PKNOX1: variants seen among roughly 807,000 people sequenced by gnomAD.
PKNOX1 encodes homeobox protein PKNOX1.
Under a neutral mutation model 51.9 loss-of-function variants are expected in PKNOX1, and 15 were observed. The ratio of observed to expected loss-of-function variants is 0.29; its 90% confidence interval spans 0.19 to 0.45. The LOEUF (loss-of-function observed/expected upper bound fraction) is 0.45, where lower values mean the gene tolerates loss of function less well. PKNOX1 is among the 20% of genes least tolerant of loss of function. The pLI is 1.00. For synonymous variants in PKNOX1, 219 were observed against 211.1 expected, an observed-to-expected ratio of 1.04 and a Z score of -0.32; for missense variants, 462 against 547.5, an observed-to-expected ratio of 0.84 and a Z score of 1.56.
intron 1 of PKNOX1, among the ~76,000 whole-genome samples, chr21:42,987,761 G>A (rs2059062562): frequency 1.3e-5 from 2 of 151,456 alleles, no homozygotes; most frequent in South Asian, 2.1e-4. Flanking sequence ...TGGGACTACA[G>A]GTGCCCACCA....
At position 42,988,842 on chromosome 21, in the gene PKNOX1, C is replaced by T. The variant is rs867489025; in HGVS notation, c.-57+14178C>T. ...TAGGGTCTACAGGCTGGGGACCCTG[C>T]GGGCTGGATGAGGACCCCCTCACTG... On this transcript the variant is annotated intron_variant, in intron 1 of 10. Transcript: ENST00000291547. Among the ~76,000 whole-genome samples the T allele has an allele frequency of 8.6e-5, 13 of 151,802 alleles. 1 individual carries two copies. Among genetic ancestry groups the T allele is most frequent in the Admixed American group, 3.9e-4 (6 of 15,246 alleles).
rs537524603 is a variant in PKNOX1 at position 43,023,675 on chromosome 21, C to T, written c.850-1196C>T. 2.6e-5 allele frequency among the ~76,000 whole-genome samples: 4 copies of T among 151,538 alleles called. No homozygotes were observed. In the East Asian group the frequency reaches 7.8e-4, roughly 29 times the overall value. ...GCACTCCCAGGCTGGAGTGCAGTGG[C>T]GCGATCTCGGCTCACTGCAACCTCC... On this transcript the variant is annotated intron_variant, in intron 8 of 10. Transcript: ENST00000291547.
rs756377254 is a variant in PKNOX1 at position 43,028,714 on chromosome 21, C to T, written c.939C>T (p.Ala313=). The T allele has an allele frequency of 1.6e-5, 26 of 1,613,940 alleles. No homozygotes were observed. The highest frequency in any genetic ancestry group is 2.2e-5 in the Non-Finnish European group (26 of 1,179,980). Residue 313 remains alanine, a synonymous_variant, in exon 10 of 11, where the codon GCC becomes GCT. Transcript: ENST00000291547. ...TTGTTGACTCCAGGTTCATCAATGC[C>T]AGAAGACGAATTCTTCAGCCAATGT... ...LLQVNNWFIN[A]RRRILQPMLD...
chr21:42,989,499 C>G (rs1343470609), intron 1 of PKNOX1, among the ~76,000 whole-genome samples: 1 of 152,114 alleles, frequency 6.6e-6, no homozygotes, highest in Admixed American at 6.6e-5. Flanking sequence ...TCACTGCGAC[C>G]TCCACCTCCA....
In PKNOX1 at chr21:43,021,858, A is replaced by C. The variant is rs234716; in HGVS notation, c.849+427A>C. Among the ~76,000 whole-genome samples, 136,252 of 152,292 alleles carry C rather than the reference A, an allele frequency of 0.89. 61,071 individuals are homozygous for C. Among genetic ancestry groups the C allele is most frequent in the Non-Finnish European group, 0.91 (62,181 of 68,014 alleles). On this transcript the variant is annotated intron_variant, in intron 8 of 10. Coordinates refer to ENST00000291547, the MANE Select transcript of PKNOX1 (RefSeq NM_004571.5). This position sits in a 1 kb window ranked among gnomAD's most constrained non-coding sequence, Gnocchi z 4.6. Reference sequence around the variant, plus strand: ...GGTGGGCCACCGGGTGGGTGCCTTTAGCTGGAAGCGAGTTTGTCCCACAGG... The same window carrying C: ...GGTGGGCCACCGGGTGGGTGCCTTTCGCTGGAAGCGAGTTTGTCCCACAGG...
intron 8 of PKNOX1, chr21:43,024,358 T>C (rs1007240338): frequency 2.0e-5 from 3 of 152,294 alleles, no homozygotes; most frequent in African/African-American, 7.2e-5. Context: ...ACACTGACAG[T>C]GACTGTCTCA....
At chr21:43,016,666 T>C (rs181503265) in intron 5 of PKNOX1, among the ~76,000 whole-genome samples, 1 of 152,272 alleles carries the variant, frequency 6.6e-6, no homozygotes, top group East Asian at 1.9e-4. Flanking sequence ...AAGATAATCT[T>C]TTGGAAGCCA....
intron 8 of PKNOX1, among the ~76,000 whole-genome samples, chr21:43,022,218 T>G (rs1418399097): frequency 6.6e-6 from 1 of 152,166 alleles, no homozygotes; most frequent in Non-Finnish European, 1.5e-5. Context: ...TGTCCCAGCC[T>G]CCTCCTCCTC....
chr21:42,990,286 A>G (rs1458679530), intron 1 of PKNOX1, among the ~76,000 whole-genome samples: 1 of 152,076 alleles, frequency 6.6e-6, no homozygotes, highest in Non-Finnish European at 1.5e-5. Context: ...AATAAATAAT[A>G]AGTAACGATC....
intron 5 of PKNOX1, among the ~76,000 whole-genome samples, chr21:43,013,715 G>C (rs1241108450): frequency 6.6e-6 from 1 of 151,894 alleles, no homozygotes; most frequent in Admixed American, 6.6e-5. Context: ...CCCTCCCCTA[G>C]CCCCTGGAAC....
chr21:42,989,452 G>C (rs1245960035), intron 1 of PKNOX1, among the ~76,000 whole-genome samples: 1 of 152,062 alleles, frequency 6.6e-6, no homozygotes, highest in African/African-American at 2.4e-5. Flanking sequence ...GTCTCACTCT[G>C]TCACCCTGGC....
chr21:43,005,897 T>G (rs1368688872), intron 2 of PKNOX1, among the ~76,000 whole-genome samples: 4 of 152,220 alleles, frequency 2.6e-5, no homozygotes, highest in Non-Finnish European at 4.4e-5. Flanking sequence ...AGATGACACC[T>G]GGAGCACTGC....
chr21:43,017,253 T>C, intron 6 of PKNOX1: 1 of 299,002 alleles, frequency 3.3e-6, no homozygotes, highest in Non-Finnish European at 6.2e-6. Context: ...TATGTAGGAA[T>C]TGAAAATATA....
intron 8 of PKNOX1, among the ~76,000 whole-genome samples, chr21:43,023,830 G>A (rs1979871713): frequency 6.6e-6 from 1 of 151,846 alleles, no homozygotes. Flanking sequence ...TAGCCAGGAT[G>A]GTCTTGATCT....
chr21:42,994,477 G>C (rs1459113792), intron 1 of PKNOX1, among the ~76,000 whole-genome samples: 2 of 148,974 alleles, frequency 1.3e-5, no homozygotes, highest in Non-Finnish European at 3.0e-5. Flanking sequence ...GTACCTGACT[G>C]TTTTAACCAG....
chr21:42,976,863 A>G (rs969495323), intron 1 of PKNOX1, among the ~76,000 whole-genome samples: 1 of 152,196 alleles, frequency 6.6e-6, no homozygotes, highest in Admixed American at 6.5e-5. Context: ...TTTTCAGTTT[A>G]CTTTGCCCAG....
chr21:42,996,915 C>G (rs1475689129), intron 1 of PKNOX1, among the ~76,000 whole-genome samples: 2 of 149,830 alleles, frequency 1.3e-5, no homozygotes, highest in Non-Finnish European at 1.5e-5. Context: ...AATAGAGTCT[C>G]TGTCATCCCG....
At chr21:43,007,802 G>C in intron 3 of PKNOX1, 184 bp downstream of exon 3, 1 of 583,618 alleles carries the variant, frequency 1.7e-6, no homozygotes, top group Non-Finnish European at 3.0e-6. Flanking sequence ...GGTGGCTCAT[G>C]CCTGTAATCC....
At chr21:42,980,020 G>A (rs759541183) in intron 1 of PKNOX1, among the ~76,000 whole-genome samples, 1 of 152,192 alleles carries the variant, frequency 6.6e-6, no homozygotes, top group East Asian at 1.9e-4. Flanking sequence ...AATGCATTTT[G>A]TTGGGATTCC....
Sources: gnomAD v4.1 joint callset for allele counts (sites outside exome capture counted in the v4.1 genomes callset) on GRCh38, gnomAD v4.1.1 for gene constraint, Gnocchi (gnomAD v3.1) non-coding constraint, MANE v1.5 for transcripts, NCBI Gene and HGNC (gene_info 2026-07-23, HGNC 2026-07-21) for gene names.